Variants in OOSP1 observed in about 807,000 individuals in gnomAD.
OOSP1 encodes putative oocyte-secreted protein 1 homolog.
Under a neutral mutation model 5.7 loss-of-function variants are expected in OOSP1, and 11 were observed. The ratio of observed to expected loss-of-function variants is 1.94; its 90% confidence interval spans 1.22 to 3.20. The LOEUF (loss-of-function observed/expected upper bound fraction) is 3.20, where lower values mean the gene tolerates loss of function less well. Ranked by LOEUF, OOSP1 falls within the 30% of genes most tolerant of loss-of-function variation. OOSP1 has a pLI of 0.00. For missense variants in OOSP1, 83 were observed against 54.1 expected, an observed-to-expected ratio of 1.53 and a Z score of -1.67; for synonymous variants, 44 against 20.0, an observed-to-expected ratio of 2.20 and a Z score of -3.20.
chr11:59,945,344 G>T, intron 3 of OOSP1, 78 bp downstream of exon 3: 1 of 701,810 alleles, frequency 1.4e-6, no homozygotes. Flanking sequence ...AACCTGAAAG[G>T]TTAAATGGTA....
intron 4 of OOSP1, among the ~76,000 whole-genome samples, chr11:59,956,921 A>T (rs1853998976): frequency 6.6e-6 from 1 of 152,090 alleles, no homozygotes; most frequent in Non-Finnish European, 1.5e-5. Flanking sequence ...TCCATTATAT[A>T]TATATATAAC....
intron 1 of OOSP1, among the ~76,000 whole-genome samples, chr11:59,942,588 A>G (rs370303732): frequency 6.6e-6 from 1 of 152,144 alleles, no homozygotes; most frequent in East Asian, 1.9e-4. Flanking sequence ...GTTAGATGAA[A>G]TCTTATTTTG....
At chr11:59,950,466 T>C (rs192438165) in intron 4 of OOSP1, among the ~76,000 whole-genome samples, 2 of 152,254 alleles carry the variant, frequency 1.3e-5, no homozygotes, top group Admixed American at 6.5e-5. Flanking sequence ...TCTTGGCATA[T>C]CCAATGTTAA....
chr11:59,948,159 A>G (rs1340575936), intron 4 of OOSP1, among the ~76,000 whole-genome samples: 2 of 152,220 alleles, frequency 1.3e-5, no homozygotes, highest in African/African-American at 2.4e-5. Context: ...ATCAATTTCA[A>G]TATCAATAAA....
intron 4 of OOSP1, chr11:59,949,015 T>C (rs879658443): frequency 2.7e-6 from 1 of 371,000 alleles, no homozygotes; most frequent in Non-Finnish European, 4.8e-6. Context: ...ATGAATAAAG[T>C]TTATACTACT....
At chr11:59,955,985 C>T (rs1425774435) in intron 4 of OOSP1, among the ~76,000 whole-genome samples, 1 of 152,004 alleles carries the variant, frequency 6.6e-6, no homozygotes, top group African/African-American at 2.4e-5. Context: ...TTGAATAGAA[C>T]AAAGTACGTG....
chr11:59,949,366 G>A (rs901922822), intron 4 of OOSP1, among the ~76,000 whole-genome samples: 3 of 152,002 alleles, frequency 2.0e-5, no homozygotes, highest in Admixed American at 6.6e-5. Context: ...TCCTTAATAT[G>A]GCATCAGGGA....
chr11:59,955,024 C>G (rs1853980949), intron 4 of OOSP1, among the ~76,000 whole-genome samples: 1 of 151,710 alleles, frequency 6.6e-6, no homozygotes, highest in Non-Finnish European at 1.5e-5. Context: ...AAGCCTGTAT[C>G]TAGTAGTGGT....
At chr11:59,948,942 C>A in intron 4 of OOSP1, 1 of 394,474 alleles carries the variant, frequency 2.5e-6, no homozygotes. Context: ...AGCAGGCTGC[C>A]TTCCACTATT....
chr11:59,947,353 G>A (rs138340981), intron 3 of OOSP1, among the ~76,000 whole-genome samples: 264 of 152,104 alleles, frequency 1.7e-3, no homozygotes, highest in African/African-American at 5.9e-3. Flanking sequence ...GAACTTCTGG[G>A]TTCAAGGAAG....
intron 4 of OOSP1, among the ~76,000 whole-genome samples, chr11:59,955,622 T>C (rs919324248): frequency 7.2e-5 from 10 of 138,280 alleles, no homozygotes; most frequent in East Asian, 2.0e-4. Flanking sequence ...AGATCATCTA[T>C]TTTTTTTTTT....
At position 59,946,370 on chromosome 11, in the gene OOSP1, G is replaced by A. The variant is rs146496988; in HGVS notation, c.356+1104G>A. 2.0e-4 allele frequency among the ~76,000 whole-genome samples: 30 copies of A among 152,296 alleles called. No homozygotes were observed. In the East Asian group the frequency reaches 2.9e-3, roughly 15 times the overall value. On this transcript the variant is annotated intron_variant, in intron 3 of 4. Coordinates refer to ENST00000646685, the Ensembl canonical transcript of OOSP1. ...GGTGCCAAAACGTTTGGGGACTGCC[G>A]TGCTAAACCATTCGTGAAGGGTCCA... is the stretch of plus-strand genomic sequence containing the variant.
chr11:59,953,712 G>A (rs1853962457), intron 4 of OOSP1, among the ~76,000 whole-genome samples: 1 of 152,264 alleles, frequency 6.6e-6, no homozygotes, highest in South Asian at 2.1e-4. Flanking sequence ...AGCTGCCTCA[G>A]AGAAGGTCCT....
intron 1 of OOSP1, among the ~76,000 whole-genome samples, chr11:59,942,464 C>T (rs919550328): frequency 5.9e-5 from 9 of 151,990 alleles, no homozygotes; most frequent in Admixed American, 2.0e-4. Flanking sequence ...GAAGGGCTTG[C>T]GTCAAAGAGC....
At chr11:59,945,368 G>A (rs1474526107) in intron 3 of OOSP1, 102 bp downstream of exon 3, 1 of 699,362 alleles carries the variant, frequency 1.4e-6, no homozygotes, top group South Asian at 1.5e-5. Context: ...CCAGTGATGG[G>A]AGTTGGGGAG....
intron 4 of OOSP1, among the ~76,000 whole-genome samples, chr11:59,950,333 G>A (rs1275167511): frequency 6.6e-6 from 1 of 152,102 alleles, no homozygotes; most frequent in Non-Finnish European, 1.5e-5. Context: ...AGAGGGAGAA[G>A]GTCCAGACTG....
At chr11:59,946,196 G>A (rs1260419036) in intron 3 of OOSP1, among the ~76,000 whole-genome samples, 4 of 152,154 alleles carry the variant, frequency 2.6e-5, no homozygotes, top group East Asian at 1.9e-4. Context: ...ATAGGAGCAC[G>A]AACCCTATTG....
intron 4 of OOSP1, among the ~76,000 whole-genome samples, chr11:59,948,341 T>C (rs528255006): frequency 6.6e-6 from 1 of 152,262 alleles, no homozygotes; most frequent in South Asian, 2.1e-4. Context: ...GAGCCCCATA[T>C]GAAGGTATAT....
chr11:59,940,355 G>A (rs1196393586), intron 1 of OOSP1, among the ~76,000 whole-genome samples: 1 of 152,162 alleles, frequency 6.6e-6, no homozygotes, highest in East Asian at 1.9e-4. Flanking sequence ...AAGTCCCTGT[G>A]GTCATTCCTG....
Sources: allele counts gnomAD v4.1 joint callset (sites outside exome capture counted in the v4.1 genomes callset), GRCh38; gene constraint gnomAD v4.1.1; transcripts MANE v1.5; gene names NCBI Gene and HGNC (gene_info 2026-07-23, HGNC 2026-07-21).